Variants in MAP3K7 observed in about 807,000 individuals in gnomAD.
MAP3K7 encodes mitogen-activated protein kinase kinase kinase 7, also known as TGF-beta activated kinase 1.
In MAP3K7, 21 loss-of-function variants were observed where a neutral mutation model predicts 84.8. The ratio of observed to expected loss-of-function variants is 0.25; its 90% confidence interval spans 0.18 to 0.36. The LOEUF (loss-of-function observed/expected upper bound fraction) is 0.36, where lower values mean the gene tolerates loss of function less well. Ranked by LOEUF, MAP3K7 falls within the 10% of genes least tolerant of loss-of-function variation. The pLI, the probability that MAP3K7 is intolerant of heterozygous loss-of-function variation, is 1.00. For missense variants in MAP3K7, 503 were observed against 747.7 expected (o/e 0.67, Z 3.82); for synonymous variants, 241 against 247.7 (o/e 0.97, Z 0.25).
chr6:90,560,053 GGT>G (rs1776457931), intron 5 of MAP3K7, 21 bp downstream of exon 5: 2 of 1,613,882 alleles, frequency 1.2e-6, no homozygotes, highest in Non-Finnish European at 1.7e-6. Flanking sequence ...GAGGCTGAGG[GGT>G]GTCACATTAT....
chr6:90,572,666 TATG>T (rs2127985388), intron 1 of MAP3K7, among the ~76,000 whole-genome samples: 1 of 152,170 alleles, frequency 6.6e-6, no homozygotes, highest in Non-Finnish European at 1.5e-5. Flanking sequence ...GGGTGAATTT[TATG>T]ATGTGTAAAA....
intron 11 of MAP3K7, 61 bp from the exon 12 acceptor site, chr6:90,544,693 G>T: frequency 1.5e-6 from 2 of 1,320,774 alleles, no homozygotes; most frequent in South Asian, 1.2e-5. Context: ...CACGGAAAAT[G>T]ATTAACTACA....
At chr6:90,526,854 C>A (rs542227133) in intron 13 of MAP3K7, among the ~76,000 whole-genome samples, 16 of 151,850 alleles carry the variant, frequency 1.1e-4, no homozygotes, top group East Asian at 5.8e-4. Context: ...TTATCCTAAA[C>A]AAAGAAAGAA....
rs9345029 is a variant in MAP3K7, at chr6:90,536,288, T to A, written c.1356+49A>T. On this transcript the variant is annotated intron_variant, in intron 13 of 16. Transcript: ENST00000369329. ...CAGAGTAGAATACAGTTAATTCTTG[T>A]TTTCTGCCTAGTATTCTTCAAAGAT... is the stretch of plus-strand genomic sequence containing the variant. 0.029 allele frequency: 42,503 copies of A among 1,454,130 alleles called. 749 individuals carry two copies. The highest frequency in any genetic ancestry group is 0.049 in the South Asian group (4,231 of 86,972). 90.1% of individuals were successfully genotyped at this position (1,454,130 alleles called of 1,614,324 possible).
chr6:90,556,685 AAAG>A (rs1776348345), intron 5 of MAP3K7, 61 bp from the exon 6 acceptor site: 3 of 1,499,976 alleles, frequency 2.0e-6, no homozygotes, highest in Admixed American at 2.3e-5. Context: ...TTCTACAATA[AAAG>A]AAGAGACATT....
chr6:90,545,066 G>A (rs1388489557), intron 11 of MAP3K7, among the ~76,000 whole-genome samples: 4 of 152,044 alleles, frequency 2.6e-5, no homozygotes, highest in Non-Finnish European at 4.4e-5. Context: ...TTCAAGTTAG[G>A]TGTTTCTTGA....
intron 2 of MAP3K7, among the ~76,000 whole-genome samples, chr6:90,571,295 A>T (rs1306605003): frequency 6.6e-6 from 1 of 152,148 alleles, no homozygotes; most frequent in African/African-American, 2.4e-5. Flanking sequence ...ATCAAATTTG[A>T]AATAATTTTT....
chr6:90,582,880 CTT>C (rs535938524), intron 1 of MAP3K7, among the ~76,000 whole-genome samples: 9 of 129,114 alleles, frequency 7.0e-5, no homozygotes, highest in Admixed American at 2.3e-4. Context: ...CTTCTATCAT[CTT>C]TTTTTTTTTT....
At chr6:90,535,473 ATTAC>A (rs1775640905) in intron 13 of MAP3K7, among the ~76,000 whole-genome samples, 1 of 151,956 alleles carries the variant, frequency 6.6e-6, no homozygotes, top group South Asian at 2.1e-4. Context: ...TAACAATTTC[ATTAC>A]TTAATTTCAT....
Position 90,516,597 on chromosome 6 carries a change from T to A in MAP3K7, c.1725A>T (p.Leu575Phe). ...AAGTAGAAAGGCTTTTGTTTTCATCTAAAAGCTTTTTATGTTCCTGTACCA... is the reference window on the plus strand; with the variant it reads ...AAGTAGAAAGGCTTTTGTTTTCATCAAAAAGCTTTTTATGTTCCTGTACCA... ...SRLVQEHKKL[L>F]DENKSLSTYY... Residue 575 changes from leucine (L) to phenylalanine (F), a missense_variant, in exon 17 of 17, where the codon TTA becomes TTT. By Grantham distance (22) the Leu-to-Phe change is conservative (BLOSUM62 0). Coordinates refer to ENST00000369329, the MANE Select transcript of MAP3K7 (RefSeq NM_145331.3). The A allele has an allele frequency of 6.2e-7, 1 of 1,612,596 alleles. No homozygotes were observed. The highest frequency in any genetic ancestry group is 1.1e-5 in the South Asian group (1 of 91,014).
At position 90,530,581 on chromosome 6, in the gene MAP3K7, A is replaced by G. The variant is rs548150140; in HGVS notation, c.1356+5756T>C. 5.9e-5 allele frequency among the ~76,000 whole-genome samples: 9 copies of G among 152,298 alleles called. No homozygotes were observed. The South Asian group carries it at 1.9e-3, about 32-fold the overall frequency. On this transcript the variant is annotated intron_variant, in intron 13 of 16. Coordinates refer to ENST00000369329, the MANE Select transcript of MAP3K7 (RefSeq NM_145331.3). ...TTGCACTTTTAATGCAAGTTTCAAA[A>G]CTGTTTTTAGACCAGCACAGTTAGA...
Position 90,518,451 on chromosome 6 carries a change from T to C in MAP3K7, c.1636A>G (p.Arg546Gly). The change falls in exon 16 of 17, where the codon AGA (arginine) becomes GGA (glycine). Residue 546 changes from arginine to glycine, a missense_variant. This residue lies in a region of MAP3K7 where 36 missense variants were observed against 74.5 expected (regional missense o/e 0.48). Transcript: ENST00000369329. The stretch of plus-strand genomic sequence containing the variant: ...TATTCATAAAAAATAACTTACTTTC[T>C]CTGTAATAACAATGCAATTTCTGTT... ...VQTEIALLLQ[R>G]KQELVAELDQ... The C allele has an allele frequency of 6.7e-7, 1 of 1,497,734 alleles. No homozygotes were observed. Among genetic ancestry groups the C allele is most frequent in the Non-Finnish European group, 9.2e-7 (1 of 1,083,624 alleles). The allele number at this position is 1,497,734 out of a possible 1,614,324, so 92.8% of individuals were successfully genotyped here.
rs201719785 is a variant in MAP3K7 at position 90,552,923 on chromosome 6, T to C, written c.736+535A>G. ...TAATCTTGTGACCTTAAGCAAGTTATTTAACCTCTCTAGGCCTCAGTTTCC... is the reference window on the plus strand; with the variant it reads ...TAATCTTGTGACCTTAAGCAAGTTACTTAACCTCTCTAGGCCTCAGTTTCC... On this transcript the variant is annotated intron_variant, in intron 7 of 16. Coordinates refer to ENST00000369329, the MANE Select transcript of MAP3K7 (RefSeq NM_145331.3). 1.9e-3 allele frequency among the ~76,000 whole-genome samples: 292 copies of C among 152,284 alleles called. 2 individuals carry two copies. Among genetic ancestry groups the C allele is most frequent in the East Asian group, 3.1e-3 (16 of 5,176 alleles).
intron 9 of MAP3K7, among the ~76,000 whole-genome samples, chr6:90,548,864 T>C (rs1425822162): frequency 6.6e-6 from 1 of 151,220 alleles, no homozygotes; most frequent in Non-Finnish European, 1.5e-5. Context: ...TTAGGTCAAG[T>C]GCTACTGAGA....
Position 90,556,347 on chromosome 6 carries a change from A to G in MAP3K7, c.607+153T>C, listed in dbSNP as rs775626820. On this transcript the variant is annotated intron_variant, in intron 6 of 16. Coordinates refer to ENST00000369329, the MANE Select transcript of MAP3K7 (RefSeq NM_145331.3). ...TAAATCTTACTATAAAATTTAGGATATAACACTATATTTAATATCCCCTTA... is the reference window on the plus strand; with the variant it reads ...TAAATCTTACTATAAAATTTAGGATGTAACACTATATTTAATATCCCCTTA... 5.9e-5 allele frequency among the ~76,000 whole-genome samples: 9 copies of G among 152,252 alleles called. No homozygotes were observed. In the South Asian group the frequency reaches 6.2e-4, roughly 10 times the overall value.
intron 13 of MAP3K7, among the ~76,000 whole-genome samples, chr6:90,535,062 A>G (rs545163262): frequency 2.1e-4 from 32 of 152,074 alleles, no homozygotes; most frequent in Admixed American, 1.0e-3. Context: ...ATTTAGAGTC[A>G]CTAGTATCAC....
At chr6:90,561,809 G>C in intron 3 of MAP3K7, 142 bp from the exon 4 acceptor site, 2 of 632,026 alleles carry the variant, frequency 3.2e-6, no homozygotes, top group East Asian at 5.5e-5. Flanking sequence ...ATAGTACTAG[G>C]GAAGGAAAAG....
At chr6:90,553,437 G>C in intron 7 of MAP3K7, 21 bp downstream of exon 7, 1 of 1,601,534 alleles carries the variant, frequency 6.2e-7, no homozygotes, top group African/African-American at 1.3e-5. Context: ...GTACTTTTAA[G>C]AAAAATTTCT....
intron 3 of MAP3K7, among the ~76,000 whole-genome samples, chr6:90,564,294 A>T (rs957591221): frequency 6.6e-6 from 1 of 152,192 alleles, no homozygotes; most frequent in African/African-American, 2.4e-5. Flanking sequence ...GAGAGTCAAG[A>T]CCAGTAAGTG....
Sources: allele counts gnomAD v4.1 joint callset (sites outside exome capture counted in the v4.1 genomes callset), GRCh38; gene constraint gnomAD v4.1.1; regional missense constraint gnomAD v4.1.1; transcripts MANE v1.5; gene names NCBI Gene and HGNC (gene_info 2026-07-23, HGNC 2026-07-21).